The following TMC8 variants were observed in gnomAD, a reference collection of about 807,000 sequenced individuals.
TMC8 encodes transmembrane channel like 8.
In TMC8, 71 loss-of-function variants were observed where a neutral mutation model predicts 76.0. That is an observed-to-expected ratio of 0.93 (90% CI 0.77 to 1.14). TMC8 has a LOEUF of 1.14. Ranked by LOEUF, TMC8 falls within the 50% of genes most tolerant of loss-of-function variation. TMC8 has a pLI of 0.00. For synonymous variants in TMC8, 433 were observed against 433.8 expected, an observed-to-expected ratio of 1.00 and a Z score of 0.02; for missense variants, 924 against 947.9, an observed-to-expected ratio of 0.97 and a Z score of 0.33.
chr17:78,140,682 C>A (rs1185581972), intron 15 of TMC8, 152 bp from the exon 16 acceptor site: 3 of 1,096,430 alleles, frequency 2.7e-6, no homozygotes, highest in African/African-American at 1.6e-5. Flanking sequence ...AGGGTGTGGC[C>A]TCGAGCGGGG....
At position 78,135,029 on chromosome 17, in the gene TMC8, G is replaced by A; in HGVS notation, c.1127+20G>A. 1 of 1,613,844 alleles carries A rather than the reference G, an allele frequency of 6.2e-7. No individual in the cohort carries two copies. The highest frequency in any genetic ancestry group is 1.1e-5 in the South Asian group (1 of 91,084). On this transcript the variant is annotated intron_variant, in intron 9 of 15. Coordinates refer to ENST00000318430, the MANE Select transcript of TMC8 (RefSeq NM_152468.5). ...GATCTGGTGAGTGCCACCCTTGGTG[G>A]GGACAAGTGGGCATGTAACAAGTCT...
rs749249608 is a variant in TMC8, at chr17:78,137,779, C to T, written c.1314C>T (p.Thr438=). 8.7e-6 allele frequency: 14 copies of T among 1,613,492 alleles called. No individual in the cohort carries two copies. Among genetic ancestry groups the T allele is most frequent in the African/African-American group, 4.0e-5 (3 of 74,934 alleles). Residue 438 remains threonine (T), a synonymous_variant, in exon 11 of 16, where the codon ACC becomes ACT. Coordinates refer to ENST00000318430, the MANE Select transcript of TMC8 (RefSeq NM_152468.5). The part of the protein sequence containing the change: ...YKLSIFNFLL[T]VAFAFLVTLP... The stretch of plus-strand genomic sequence containing the variant: ...TGAGTATCTTCAACTTCCTCCTCAC[C>T]GTGGCCTTCGCCTTCCTGGTCACCC...
At chr17:78,135,059 C>G in intron 9 of TMC8, 50 bp downstream of exon 9, 1 of 1,611,568 alleles carries the variant, frequency 6.2e-7, no homozygotes, top group Non-Finnish European at 8.5e-7. Context: ...AAGTCTGCAT[C>G]CTGCTGCTCT....
Position 78,138,711 on chromosome 17 carries a change from T to C in TMC8, c.1802T>C (p.Phe601Ser), listed in dbSNP as rs1782662144. ...LHYLGSHAFS[F>S]PLLIMLSLVL... The stretch of plus-strand genomic sequence containing the variant: ...TACCTGGGCTCCCACGCCTTCAGCT[T>C]CCCCCTCCTCATCATGCTCAGGTTC... The change falls in exon 14 of 16, where the codon TTC becomes TCC. Residue 601 changes from phenylalanine to serine, a missense_variant. Physicochemically the swap from Phe to Ser is radical, Grantham distance 155 (BLOSUM62 -2). Coordinates refer to ENST00000318430, the MANE Select transcript of TMC8 (RefSeq NM_152468.5). The C allele has an allele frequency of 6.2e-7, 1 of 1,609,834 alleles. No homozygotes were observed. Among genetic ancestry groups the C allele is most frequent in the African/African-American group, 1.3e-5 (1 of 74,894 alleles).
chr17:78,131,877 TC>T lies in TMC8; in HGVS notation c.150-3del, dbSNP rs1297138292. 11 of 1,457,930 alleles carry T rather than the reference TC, an allele frequency of 7.5e-6. No individual in the cohort carries two copies. The highest frequency in any genetic ancestry group is 9.9e-6 in the Non-Finnish European group (11 of 1,111,408). The allele number at this position is 1,457,930 out of a possible 1,614,324, so 90.3% of individuals were successfully genotyped here. On this transcript the variant is annotated splice_region_variant and splice_polypyrimidine_tract_variant and intron_variant, in intron 2 of 15. Transcript: ENST00000318430. ...AGGGGCGCCCCTGTCACCACCCCCG[TC>T]CAGGCAGCTGCGGGAGCCCGCGGGG...
In TMC8 at chr17:78,131,588, G is replaced by A. The variant is rs2074967220; in HGVS notation, c.-1G>A. On this transcript the variant is annotated 5_prime_UTR_variant, in exon 2 of 16. Coordinates refer to ENST00000318430, the MANE Select transcript of TMC8 (RefSeq NM_152468.5). ...CCCAGCCTCTACCCGTGCCCGCCGA[G>A]ATGCTGCTGCCGCGGTCGGTGTCAT... 3 of 1,545,164 alleles carry A rather than the reference G, an allele frequency of 1.9e-6. No homozygotes were observed. The highest frequency in any genetic ancestry group is 1.4e-5 in the African/African-American group (1 of 73,020).
At chr17:78,132,645 T>A in intron 4 of TMC8, 137 bp downstream of exon 4, 4 of 1,489,134 alleles carry the variant, frequency 2.7e-6, no homozygotes, top group Non-Finnish European at 3.7e-6. Context: ...CTCCCTGACC[T>A]CGCCTTGTGT....
chr17:78,134,399 G>C lies in TMC8; in HGVS notation c.822G>C (p.Glu274Asp), dbSNP rs773623676. The C allele has an allele frequency of 9.3e-6, 15 of 1,611,074 alleles. No individual in the cohort carries two copies. In the Admixed American group the frequency reaches 2.5e-4, roughly 27 times the overall value. ...GTCCCCACCCTTCCGGGCAGGTGGAGCTGGAGGAGGGCCGTCGCTTCCAGC... is the reference window on the plus strand; with the variant it reads ...GTCCCCACCCTTCCGGGCAGGTGGACCTGGAGGAGGGCCGTCGCTTCCAGC... ...KHEISNEFKV[E>D]LEEGRRFQLM... The change falls in exon 8 of 16, where the codon GAG (glutamate) becomes GAC (aspartate). Residue 274 changes from glutamate (E) to aspartate (D), a missense_variant. Glu to Asp is a conservative substitution (Grantham distance 45). Coordinates refer to ENST00000318430, the MANE Select transcript of TMC8 (RefSeq NM_152468.5).
chr17:78,133,775 AC>A, intron 6 of TMC8, 77 bp from the exon 7 acceptor site: 4 of 1,603,532 alleles, frequency 2.5e-6, no homozygotes, highest in Non-Finnish European at 3.4e-6. Flanking sequence ...GCCTTCCCAG[AC>A]CCAGAGCCGA....
chr17:78,140,563 C>T (rs1220778907), intron 15 of TMC8, among the ~76,000 whole-genome samples: 1 of 149,814 alleles, frequency 6.7e-6, no homozygotes, highest in Non-Finnish European at 1.5e-5. Flanking sequence ...GTCGTGGTCT[C>T]GGGCGGGGAC....
In TMC8 at chr17:78,131,599, C is replaced by T. The variant is rs867374058; in HGVS notation, c.11C>T (p.Pro4Leu). 1.7e-5 allele frequency: 27 copies of T among 1,546,700 alleles called. No individual in the cohort carries two copies. Among genetic ancestry groups the T allele is most frequent in the Middle Eastern group, 4.1e-4 (2 of 4,912 alleles). Residue 4 changes from proline (P) to leucine (L), a missense_variant, in exon 2 of 16, where the codon CCG becomes CTG. Pro to Leu is a moderately conservative substitution (Grantham distance 98, BLOSUM62 -3). Coordinates refer to ENST00000318430, the MANE Select transcript of TMC8 (RefSeq NM_152468.5). MLL[P>L]RSVSSERAPG... Reference sequence around the variant, plus strand: ...CCCGTGCCCGCCGAGATGCTGCTGCCGCGGTCGGTGTCATCGGAGCGGGCC... The same window carrying T: ...CCCGTGCCCGCCGAGATGCTGCTGCTGCGGTCGGTGTCATCGGAGCGGGCC...
intron 12 of TMC8, 55 bp from the exon 13 acceptor site, chr17:78,138,294 C>T: frequency 1.9e-6 from 3 of 1,611,306 alleles, no homozygotes; most frequent in East Asian, 2.2e-5. Flanking sequence ...GGGTGTCAGC[C>T]CCCTGGGGTC....
intron 9 of TMC8, among the ~76,000 whole-genome samples, chr17:78,135,240 G>A (rs998565485): frequency 2.0e-5 from 3 of 152,160 alleles, no homozygotes; most frequent in East Asian, 1.9e-4. Flanking sequence ...ACCAAGCTCC[G>A]GCCATTCAGT....
At position 78,138,610 on chromosome 17, in the gene TMC8, C is replaced by T. The variant is rs1365899145; in HGVS notation, c.1701C>T (p.Asn567=). 1 of 1,613,864 alleles carries T rather than the reference C, an allele frequency of 6.2e-7. No individual in the cohort carries two copies. Among genetic ancestry groups the T allele is most frequent in the Non-Finnish European group, 8.5e-7 (1 of 1,180,040 alleles). The change falls in exon 14 of 16, where the codon AAC becomes AAT. Residue 567 remains asparagine (N), a synonymous_variant. Coordinates refer to ENST00000318430, the MANE Select transcript of TMC8 (RefSeq NM_152468.5). ...CCTGGGACTGCGGCCTCTTCACCAA[C>T]TACTCAGCACCCTGGCAAGTGGTCC... ...HSSWDCGLFT[N]YSAPWQVVPE...
rs369240775 is a variant in TMC8, at chr17:78,138,208, G to C, written c.1533+20G>C. 336 of 1,613,570 alleles carry C rather than the reference G, an allele frequency of 2.1e-4. No homozygotes were observed. Among genetic ancestry groups the C allele is most frequent in the Non-Finnish European group, 2.3e-4 (268 of 1,179,942 alleles). ...AAGAAGGTGACGGCTCATGGCTGGG[G>C]GGTATGGGGTTCGTGCCTCTGGGTG... is the stretch of plus-strand genomic sequence containing the variant. On this transcript the variant is annotated intron_variant, in intron 12 of 15. Transcript: ENST00000318430.
intron 7 of TMC8, 135 bp from the exon 8 acceptor site, chr17:78,134,259 G>A (rs2075150336): frequency 8.6e-7 from 1 of 1,161,892 alleles, no homozygotes; most frequent in Admixed American, 1.8e-5. Flanking sequence ...GTCTATGGGA[G>A]CATGACAGTG....
intron 14 of TMC8, 55 bp downstream of exon 14, chr17:78,138,787 C>G: frequency 6.3e-7 from 1 of 1,597,218 alleles, no homozygotes; most frequent in East Asian, 2.2e-5. Flanking sequence ...GAGGTCCTTC[C>G]TTCCATGGGG....
chr17:78,134,875 CCT>C lies in TMC8; in HGVS notation c.994_995del (p.Leu332ValfsTer75). The C allele has an allele frequency of 6.2e-7, 1 of 1,613,992 alleles. No homozygotes were observed. Among genetic ancestry groups the C allele is most frequent in the Non-Finnish European group, 8.5e-7 (1 of 1,180,010 alleles). ...TGACCTGCCTTTTCCCGCAGGAGTC[CCT>C]GTTTCTGCTGCTCCAGTACCTGCCC... ...KYSQDNKEES[L>X]FLLLQYLPPG... is the part of the protein sequence containing the mutation. On this transcript the variant is annotated frameshift_variant, in exon 9 of 16. Transcript: ENST00000318430. LOFTEE classifies it high-confidence loss of function.
At position 78,131,642 on chromosome 17, in the gene TMC8, G is replaced by T. The variant is rs773629838; in HGVS notation, c.54G>T (p.Pro18=). The part of the protein sequence containing the change: ...SSERAPGVPE[P]EELWEAEMER... ...AGCGGGCCCCTGGGGTGCCGGAGCC[G>T]GAGGAGCTGTGGGAGGCAGAGATGG... Residue 18 remains proline (P), a synonymous_variant, in exon 2 of 16, where the codon CCG becomes CCT. Transcript: ENST00000318430. 1 of 1,558,288 alleles carries T rather than the reference G, an allele frequency of 6.4e-7. No homozygotes were observed. The highest frequency in any genetic ancestry group is 8.7e-7 in the Non-Finnish European group (1 of 1,152,292).
Sources: allele counts gnomAD v4.1 joint callset (sites outside exome capture counted in the v4.1 genomes callset), GRCh38; gene constraint gnomAD v4.1.1; transcripts MANE v1.5; gene names NCBI Gene and HGNC (gene_info 2026-07-23, HGNC 2026-07-21).